VTI1A: variants seen among roughly 807,000 people sequenced by gnomAD.
VTI1A encodes vesicle transport through interaction with t-SNAREs 1A.
VTI1A carries 22 observed loss-of-function variants against 34.9 expected under a neutral mutation model. The ratio of observed to expected loss-of-function variants is 0.63; its 90% CI spans 0.45 to 0.90. The LOEUF (loss-of-function observed/expected upper bound fraction) is 0.90. Ranked by LOEUF, VTI1A falls within the 40% of genes least tolerant of loss-of-function variation. The probability of loss-of-function intolerance (pLI) is 0.00; values close to 1 mark genes in which losing one functional copy is unlikely to be tolerated. For missense variants in VTI1A, 268 were observed against 275.6 expected, an observed-to-expected ratio of 0.97 and a Z score of 0.20; for synonymous variants, 87 against 97.3, an observed-to-expected ratio of 0.89 and a Z score of 0.62.
chr10:112,473,880 A>G lies in VTI1A; in HGVS notation c.264+9223A>G, dbSNP rs192672484. Among the ~76,000 whole-genome samples, 549 of 152,328 alleles carry G rather than the reference A, an allele frequency of 3.6e-3. 5 individuals carry two copies. In the Middle Eastern group the frequency reaches 0.048, roughly 13 times the overall value. ...TTTTGGGGATTTTATAGACTCTAGA[A>G]TTAAATACAACTGAGATTCCTTTTT... On this transcript the variant is annotated intron_variant, in intron 3 of 7. Coordinates refer to ENST00000393077, the MANE Select transcript of VTI1A (RefSeq NM_145206.4).
chr10:112,777,228 AAAT>A (rs954840303), intron 7 of VTI1A, among the ~76,000 whole-genome samples: 1 of 152,208 alleles, frequency 6.6e-6, no homozygotes, highest in Non-Finnish European at 1.5e-5. Context: ...GATGACCAGA[AAAT>A]AAAAAAGACA....
chr10:112,572,805 C>T (rs1420680744), intron 5 of VTI1A, among the ~76,000 whole-genome samples: 1 of 148,850 alleles, frequency 6.7e-6, no homozygotes, highest in Non-Finnish European at 1.5e-5. Flanking sequence ...CGCCACTACA[C>T]TCCAGACTGG....
chr10:112,645,711 C>T (rs551133912), intron 5 of VTI1A, among the ~76,000 whole-genome samples: 1 of 152,278 alleles, frequency 6.6e-6, no homozygotes, highest in South Asian at 2.1e-4. Flanking sequence ...GCTCCTGATT[C>T]TAGAATTCTA....
intron 5 of VTI1A, among the ~76,000 whole-genome samples, chr10:112,603,712 C>CTTTTGG (rs1844966282): frequency 6.6e-6 from 1 of 152,068 alleles, no homozygotes; most frequent in Admixed American, 6.6e-5. Flanking sequence ...ATCCCAAGAC[C>CTTTTGG]AGCTCAATGA....
the VTI1A span, among the ~76,000 whole-genome samples, chr10:112,850,544 C>T: frequency 4.6e-5 from 7 of 152,038 alleles, no homozygotes; most frequent in Non-Finnish European, 7.4e-5. Flanking sequence ...TCACTCCTTC[C>T]CCAACCAGAA....
chr10:112,450,449 A>G (rs904799882), intron 1 of VTI1A: 1 of 152,220 alleles, frequency 6.6e-6, no homozygotes, highest in African/African-American at 2.4e-5. Flanking sequence ...AGTGACCCAG[A>G]GGAGGTGAAC....
chr10:112,572,490 T>C (rs1236316154), intron 5 of VTI1A, among the ~76,000 whole-genome samples: 1 of 152,200 alleles, frequency 6.6e-6, no homozygotes, highest in Non-Finnish European at 1.5e-5. Context: ...GTCATGAAAC[T>C]ATCATTAAAC....
chr10:112,688,608 G>A (rs1165703660), intron 7 of VTI1A, among the ~76,000 whole-genome samples: 2 of 146,110 alleles, frequency 1.4e-5, no homozygotes, highest in South Asian at 2.2e-4. Flanking sequence ...TGCAACCTCC[G>A]CCTCCTAGGT....
intron 5 of VTI1A, among the ~76,000 whole-genome samples, chr10:112,552,035 A>G (rs1851380394): frequency 6.6e-6 from 1 of 152,240 alleles, no homozygotes; most frequent in African/African-American, 2.4e-5. Context: ...TATTTAATAT[A>G]TTATGGAGGT....
intron 7 of VTI1A, among the ~76,000 whole-genome samples, chr10:112,755,027 T>C (rs1851231509): frequency 6.6e-6 from 1 of 151,854 alleles, no homozygotes; most frequent in Non-Finnish European, 1.5e-5. Context: ...GAGGCTAAGG[T>C]AGGCAGGAGT....
intron 5 of VTI1A, among the ~76,000 whole-genome samples, chr10:112,630,838 G>T (rs1846103205): frequency 6.6e-6 from 1 of 152,086 alleles, no homozygotes; most frequent in Non-Finnish European, 1.5e-5. Flanking sequence ...ATATAAGAAG[G>T]CAGCCAAGTG....
intron 7 of VTI1A, among the ~76,000 whole-genome samples, chr10:112,763,192 G>A (rs151113619): frequency 2.0e-5 from 3 of 152,252 alleles, no homozygotes; most frequent in African/African-American, 2.4e-5. Context: ...TGTAATCCCA[G>A]CACTTTGGGA....
chr10:112,546,196 T>TATATGC (rs573419928), intron 5 of VTI1A, among the ~76,000 whole-genome samples: 76 of 147,528 alleles, frequency 5.2e-4, no homozygotes, highest in East Asian at 4.7e-3. Context: ...CACACACATA[T>TATATGC]ATATGCATAC....
At chr10:112,614,595 C>T (rs1034799049) in intron 5 of VTI1A, among the ~76,000 whole-genome samples, 7 of 152,208 alleles carry the variant, frequency 4.6e-5, no homozygotes, top group Admixed American at 3.3e-4. Flanking sequence ...ACCTAGATAA[C>T]TATACATTAT....
rs571335141 is a variant in VTI1A, at chr10:112,769,794, G to A, written c.561-45496G>A. Among the ~76,000 whole-genome samples the A allele has an allele frequency of 2.0e-5, 3 of 152,288 alleles. No homozygotes were observed. In the South Asian group the frequency reaches 6.2e-4, roughly 32 times the overall value. On this transcript the variant is annotated intron_variant, in intron 7 of 7. Transcript: ENST00000393077. ...CCTTAGAACATAGCCTGGAGAAAGA[G>A]CAGGTAGGAATCTGGGAAATAACCC...
At position 112,709,683 on chromosome 10, in the gene VTI1A, T is replaced by C. The variant is rs530315610; in HGVS notation, c.560+40685T>C. ...CCCAACAAGAGGCACTCTATGTGGC[T>C]TTTTTTTTTTTTTTTTTTTTTTTTT... On this transcript the variant is annotated intron_variant, in intron 7 of 7. Transcript: ENST00000393077. 7.7e-3 allele frequency among the ~76,000 whole-genome samples: 598 copies of C among 77,614 alleles called. 6 individuals carry two copies. The African/African-American group carries it at 0.077, about 10-fold the overall frequency. The allele number at this position is 77,614 out of a possible 152,430, so 50.9% of individuals were successfully genotyped here.
At chr10:112,800,762 A>G (rs1852850636) in intron 7 of VTI1A, among the ~76,000 whole-genome samples, 1 of 152,164 alleles carries the variant, frequency 6.6e-6, no homozygotes, top group South Asian at 2.1e-4. Context: ...GGAAAGAGTA[A>G]TTTCCAATGA....
At chr10:112,832,353 C>T in the VTI1A span, 10 of 150,976 alleles carry the variant, frequency 6.6e-5, no homozygotes, top group African/African-American at 2.2e-4. Flanking sequence ...TGTTAGTGGG[C>T]TCTTAGTTAG....
chr10:112,590,480 C>G (rs981115055), intron 5 of VTI1A, among the ~76,000 whole-genome samples: 2 of 152,044 alleles, frequency 1.3e-5, no homozygotes, highest in African/African-American at 2.4e-5. Flanking sequence ...ATCCCTTGAG[C>G]CCAGGAGTTC....
Sources: allele counts gnomAD v4.1 joint callset (sites outside exome capture counted in the v4.1 genomes callset), GRCh38; gene constraint gnomAD v4.1.1; transcripts MANE v1.5; gene names NCBI Gene and HGNC (gene_info 2026-07-23, HGNC 2026-07-21).